Variants in EEA1 observed in about 807,000 individuals in gnomAD.
The protein encoded by EEA1 is early endosome antigen 1.
In EEA1, 111 loss-of-function variants were observed where a neutral mutation model predicts 209.2. That is an observed-to-expected ratio of 0.53 (90% CI 0.45 to 0.62). The LOEUF is 0.62. EEA1 is among the 20% of genes least tolerant of loss of function. EEA1 has a pLI of 0.00. For missense variants in EEA1, 1,343 were observed against 1,530.8 expected, an observed-to-expected ratio of 0.88 and a Z score of 2.05; for synonymous variants, 536 against 540.6, an observed-to-expected ratio of 0.99 and a Z score of 0.12.
chr12:92,911,668 A>C (rs7316383), intron 1 of EEA1, among the ~76,000 whole-genome samples: 2,285 of 152,320 alleles, frequency 0.015, 53 homozygotes, highest in African/African-American at 0.052. Flanking sequence ...TAGGTTCACG[A>C]ATCATAACAA....
At chr12:92,831,998 A>C (rs1281311138) in intron 11 of EEA1, among the ~76,000 whole-genome samples, 3 of 151,042 alleles carry the variant, frequency 2.0e-5, no homozygotes, top group African/African-American at 7.3e-5. Context: ...GAGGCAGGAG[A>C]ATGGCGTGAA....
intron 21 of EEA1, among the ~76,000 whole-genome samples, chr12:92,794,788 A>ACAC (rs1319556574): frequency 6.6e-6 from 1 of 152,018 alleles, no homozygotes; most frequent in African/African-American, 2.4e-5. Flanking sequence ...GTAAATGATG[A>ACAC]GTTGATGGGT....
intron 14 of EEA1, among the ~76,000 whole-genome samples, chr12:92,817,437 G>C (rs975444422): frequency 2.0e-5 from 3 of 151,930 alleles, no homozygotes; most frequent in African/African-American, 7.3e-5. Flanking sequence ...CAGTAGCACA[G>C]TGATAGCTCA....
rs1287277871 is a variant in EEA1, at chr12:92,774,899, A to G, written c.*1112T>C. On this transcript the variant is annotated 3_prime_UTR_variant, in exon 29 of 29. Coordinates refer to ENST00000322349, the MANE Select transcript of EEA1 (RefSeq NM_003566.4). Reference sequence around the variant, plus strand: ...AATAGGGTAAGAAATAGAAAGTAAAATATTTAATGTCTTCTTATCATTTTA... The same window carrying G: ...AATAGGGTAAGAAATAGAAAGTAAAGTATTTAATGTCTTCTTATCATTTTA... The G allele has an allele frequency of 7.9e-5, 12 of 151,936 alleles. No homozygotes were observed. The highest frequency in any genetic ancestry group is 2.9e-4 in the African/African-American group (12 of 41,556). 9.4% of individuals were successfully genotyped at this position (151,936 alleles called of 1,614,324 possible).
intron 21 of EEA1, among the ~76,000 whole-genome samples, chr12:92,796,407 TG>T (rs563633063): frequency 7.2e-5 from 11 of 152,038 alleles, no homozygotes; most frequent in African/African-American, 9.7e-5. Context: ...TGTAAATAGT[TG>T]TTTTTACTGT....
chr12:92,798,962 T>G lies in EEA1; in HGVS notation c.2897A>C (p.Gln966Pro), dbSNP rs1874775157. The G allele has an allele frequency of 6.2e-7, 1 of 1,613,070 alleles. No individual in the cohort carries two copies. The highest frequency in any genetic ancestry group is 1.3e-5 in the African/African-American group (1 of 75,020). Residue 966 changes from glutamine to proline, a missense_variant, in exon 21 of 29, where the codon CAA (glutamine) becomes CCA (proline). Transcript: ENST00000322349. Reference protein sequence around the residue: ...QLQGNINELKQSSEQKKKQIE... With the variant: ...QLQGNINELKPSSEQKKKQIE... ...TTGTTTTTTCTTCTGTTCACTTGAT[T>G]GCTTTAGCTCATTTATGTTCCCCTG...
At chr12:92,780,183 C>T (rs1873844183) in intron 24 of EEA1, 97 bp downstream of exon 24, 2 of 1,341,604 alleles carry the variant, frequency 1.5e-6, no homozygotes, top group East Asian at 2.7e-5. Context: ...TAGCACATAG[C>T]AAGTTCTCAA....
Position 92,809,086 on chromosome 12 carries a change from C to A in EEA1, c.2270G>T (p.Arg757Ile). Residue 757 changes from arginine (R) to isoleucine (I), a missense_variant, in exon 18 of 29, where the codon AGA becomes ATA. Arg to Ile is a moderately conservative substitution (Grantham distance 97). This residue lies in a region of EEA1 where 1,307 missense variants were observed against 1,465.5 expected (regional missense o/e 0.89). Coordinates refer to ENST00000322349, the MANE Select transcript of EEA1 (RefSeq NM_003566.4). ...EQALQDLQQQ[R>I]QLNTDLELRA... ...GAGCTCTAAATCTGTGTTCAGCTGT[C>A]TTTGCTGTTGTAGATCTTGCAAAGC... The A allele has an allele frequency of 6.2e-7, 1 of 1,608,580 alleles. No homozygotes were observed. Among genetic ancestry groups the A allele is most frequent in the South Asian group, 1.1e-5 (1 of 90,342 alleles).
chr12:92,813,080 GT>G lies in EEA1; in HGVS notation c.1942del (p.Thr648ProfsTer36). The part of the protein sequence containing the change: ...SQLDIQIKAK[T>X]ELLLSAEAAK... Reference sequence around the variant, plus strand: ...TGCTTCTGCTGATAGTAATAGTTCGGTTTTGGCTTTAATCTGTAACAGCATT... The same window carrying G: ...TGCTTCTGCTGATAGTAATAGTTCGGTTTGGCTTTAATCTGTAACAGCATT... On this transcript the variant is annotated frameshift_variant, in exon 16 of 29. Coordinates refer to ENST00000322349, the MANE Select transcript of EEA1 (RefSeq NM_003566.4). LOFTEE classifies it high-confidence loss of function. 3 of 1,581,728 alleles carry G rather than the reference GT, an allele frequency of 1.9e-6. No homozygotes were observed. Among genetic ancestry groups the G allele is most frequent in the Admixed American group, 1.7e-5 (1 of 58,938 alleles).
At position 92,917,444 on chromosome 12, in the gene EEA1, A is replaced by T. The variant is rs1272184214; in HGVS notation, c.24+11599T>A. On this transcript the variant is annotated intron_variant, in intron 1 of 28. Transcript: ENST00000322349. ...AAGAGAGTGGGGGCCAATATTCAAC[A>T]TTCTTAAAGAAAAGAATTTTCAACC... is the stretch of plus-strand genomic sequence containing the variant. Among the ~76,000 whole-genome samples the T allele has an allele frequency of 4.0e-5, 6 of 150,516 alleles. No homozygotes were observed. In the South Asian group the frequency reaches 6.3e-4, roughly 16 times the overall value.
chr12:92,901,004 A>C (rs1053761219), intron 1 of EEA1, among the ~76,000 whole-genome samples: 1 of 152,158 alleles, frequency 6.6e-6, no homozygotes, highest in African/African-American at 2.4e-5. Context: ...CCGTTCTATA[A>C]AACTAGAAAT....
At chr12:92,915,550 T>C (rs1005472773) in intron 1 of EEA1, among the ~76,000 whole-genome samples, 4 of 152,178 alleles carry the variant, frequency 2.6e-5, no homozygotes, top group African/African-American at 9.7e-5. Flanking sequence ...AGTGACTTCA[T>C]ACATGAAGAA....
At chr12:92,863,103 A>G (rs1878222311) in intron 3 of EEA1, among the ~76,000 whole-genome samples, 1 of 152,260 alleles carries the variant, frequency 6.6e-6, no homozygotes, top group Admixed American at 6.5e-5. Flanking sequence ...AAAACAGATC[A>G]AGAAAAAATT....
chr12:92,850,002 A>T (rs1234046298), intron 9 of EEA1, among the ~76,000 whole-genome samples: 1 of 152,230 alleles, frequency 6.6e-6, no homozygotes, highest in Non-Finnish European at 1.5e-5. Flanking sequence ...TTTATGTATT[A>T]TACATCTTAG....
intron 10 of EEA1, among the ~76,000 whole-genome samples, chr12:92,840,638 T>C (rs997091994): frequency 6.6e-5 from 10 of 152,156 alleles, no homozygotes; most frequent in African/African-American, 2.4e-4. Flanking sequence ...AAAGAAACAA[T>C]ACAGAAAATA....
At chr12:92,787,430 A>C (rs1874182551) in intron 22 of EEA1, among the ~76,000 whole-genome samples, 1 of 152,118 alleles carries the variant, frequency 6.6e-6, no homozygotes, top group African/African-American at 2.4e-5. Context: ...ATTTTGAGCT[A>C]TAATCTCCTA....
chr12:92,898,911 C>G lies in EEA1; in HGVS notation c.25-7190G>C, dbSNP rs76180809. 7.6e-3 allele frequency among the ~76,000 whole-genome samples: 1,082 copies of G among 142,068 alleles called. 9 individuals are homozygous for G. The highest frequency in any genetic ancestry group is 0.027 in the African/African-American group (1,024 of 37,966). The allele number at this position is 142,068 out of a possible 152,430, so 93.2% of individuals were successfully genotyped here. ...TTCAATAAAGATGGCTAGAGAACATCAGAGGCACACTTCAGAAAGAGACAG... is the reference window on the plus strand; with the variant it reads ...TTCAATAAAGATGGCTAGAGAACATGAGAGGCACACTTCAGAAAGAGACAG... On this transcript the variant is annotated intron_variant, in intron 1 of 28. Coordinates refer to ENST00000322349, the MANE Select transcript of EEA1 (RefSeq NM_003566.4).
chr12:92,823,994 T>C (rs958053850), intron 13 of EEA1, among the ~76,000 whole-genome samples: 3 of 152,228 alleles, frequency 2.0e-5, no homozygotes, highest in Non-Finnish European at 4.4e-5. Context: ...TCTATCAAAC[T>C]TTTTTCTTCC....
In EEA1 at chr12:92,771,819, T is replaced by TA. The variant is rs1208757926; in HGVS notation, c.*4191dup. ...CCCATGAATCCAGCAACCACAGACTTACATGTATAAAGGTAGTTTTCTCCC... is the reference window on the plus strand; with the variant it reads ...CCCATGAATCCAGCAACCACAGACTTAACATGTATAAAGGTAGTTTTCTCCC... On this transcript the variant is annotated 3_prime_UTR_variant, in exon 29 of 29. Transcript: ENST00000322349. 4 of 151,946 alleles carry TA rather than the reference T, an allele frequency of 2.6e-5. No homozygotes were observed. The highest frequency in any genetic ancestry group is 6.6e-5 in the Admixed American group (1 of 15,212). The allele number at this position is 151,946 out of a possible 1,614,324, so 9.4% of individuals were successfully genotyped here. A position where few individuals can be genotyped will look rare whatever the true frequency, so the allele number is the denominator to read the frequency against.
Sources: allele counts gnomAD v4.1 joint callset (sites outside exome capture counted in the v4.1 genomes callset), GRCh38; gene constraint gnomAD v4.1.1; regional missense constraint gnomAD v4.1.1; transcripts MANE v1.5; gene names NCBI Gene and HGNC (gene_info 2026-07-23, HGNC 2026-07-21).